The following SLC25A48 variants were observed in gnomAD, a reference collection of about 807,000 sequenced individuals.
SLC25A48 encodes solute carrier family 25 member 48, also known as CTC-321K16.1.
A neutral mutation model predicts 32.2 loss-of-function variants in SLC25A48; 29 were observed. The observed-to-expected ratio is 0.90, with a 90% CI of 0.67 to 1.23. The LOEUF is 1.23. Ranked by LOEUF, SLC25A48 falls within the 50% of genes most tolerant of loss-of-function variation. The pLI, the probability that SLC25A48 is intolerant of heterozygous loss-of-function variation, is 0.00. For synonymous variants in SLC25A48, 164 were observed against 172.3 expected, an observed-to-expected ratio of 0.95 and a Z score of 0.38; for missense variants, 399 against 422.7, an observed-to-expected ratio of 0.94 and a Z score of 0.49.
At chr5:135,775,875 G>A (rs4334881) in intron 3 of SLC25A48, among the ~76,000 whole-genome samples, 45,822 of 151,134 alleles carry the variant, frequency 0.3, 7,103 homozygotes, top group East Asian at 0.46. Context: ...TCTATTAACC[G>A]GGGAGGGGGG....
chr5:135,735,320 T>G (rs1036308316), intron 3 of SLC25A48, among the ~76,000 whole-genome samples: 3 of 152,192 alleles, frequency 2.0e-5, no homozygotes, highest in African/African-American at 7.2e-5. Flanking sequence ...TTGTGGGGTT[T>G]GAGGGCCGGA....
intron 3 of SLC25A48, among the ~76,000 whole-genome samples, chr5:135,673,921 T>C (rs1753712941): frequency 6.6e-6 from 1 of 151,828 alleles, no homozygotes; most frequent in Admixed American, 6.6e-5. Flanking sequence ...TCAAGGCTTT[T>C]TTTTCCCCCC....
At chr5:135,676,274 G>T (rs1026664642) in intron 3 of SLC25A48, among the ~76,000 whole-genome samples, 1 of 151,770 alleles carries the variant, frequency 6.6e-6, no homozygotes, top group East Asian at 1.9e-4. Context: ...TCAGTGTATA[G>T]TTGCTTTAAT....
rs1758350155 is a variant in SLC25A48, at chr5:135,834,725, G to C, written c.-123G>C. ...GACTGGGGGACTGGGTTTGGAGTAG[G>C]ACCTGCGGCGTGCTCGAGACTCCGA... is the stretch of plus-strand genomic sequence containing the variant. On this transcript the variant is annotated 5_prime_UTR_variant, in exon 1 of 8. Coordinates refer to ENST00000681962, the MANE Select transcript of SLC25A48 (RefSeq NM_001349336.2). The C allele has an allele frequency of 2.8e-6, 3 of 1,072,344 alleles. No homozygotes were observed. Among genetic ancestry groups the C allele is most frequent in the African/African-American group, 1.6e-5 (1 of 62,722 alleles). The allele number at this position is 1,072,344 out of a possible 1,614,324, so 66.4% of individuals were successfully genotyped here. A position where few individuals can be genotyped will look rare whatever the true frequency, so the allele number is the denominator to read the frequency against.
chr5:135,703,743 C>T (rs569214866), intron 3 of SLC25A48, among the ~76,000 whole-genome samples: 12 of 152,310 alleles, frequency 7.9e-5, no homozygotes, highest in East Asian at 1.9e-4. Flanking sequence ...CCTGCCAGAC[C>T]GTGGGCTCTG....
chr5:135,687,798 T>TTG (rs1754049484), intron 3 of SLC25A48, among the ~76,000 whole-genome samples: 1 of 152,256 alleles, frequency 6.6e-6, no homozygotes. Context: ...TGCATGGCTT[T>TTG]ACTTTTGTCT....
rs1753181763 is a variant in SLC25A48, at chr5:135,654,005, CCT to C, written c.-521+19050_-521+19051del. 4 of 429,906 alleles carry C rather than the reference CCT, an allele frequency of 9.3e-6. No individual in the cohort carries two copies. The Admixed American group carries it at 1.0e-4, about 11-fold the overall frequency. 26.6% of individuals were successfully genotyped at this position (429,906 alleles called of 1,614,324 possible). ...AACCTGGGACCTGCCATATAGAGCC[CCT>C]GTTTCTTAGTGGCAGTGGCAGCCAG... On this transcript the variant is annotated intron_variant, in intron 3 of 10. Transcript: ENST00000646290.
At chr5:135,692,141 C>A (rs1485792341) in intron 3 of SLC25A48, among the ~76,000 whole-genome samples, 1 of 152,044 alleles carries the variant, frequency 6.6e-6, no homozygotes, top group Non-Finnish European at 1.5e-5. Flanking sequence ...CACGGTGAAA[C>A]CCCATCTCTA....
chr5:135,882,905 T>A (rs2126843246), intron 7 of SLC25A48, among the ~76,000 whole-genome samples: 1 of 152,346 alleles, frequency 6.6e-6, no homozygotes, highest in East Asian at 1.9e-4. Context: ...GCTGAACATT[T>A]TCAAATAGCC....
At chr5:135,719,020 A>G (rs985765803) in intron 3 of SLC25A48, among the ~76,000 whole-genome samples, 1 of 152,098 alleles carries the variant, frequency 6.6e-6, no homozygotes, top group African/African-American at 2.4e-5. Flanking sequence ...CATGAACAAG[A>G]TTATCCTGGT....
At position 135,847,465 on chromosome 5, in the gene SLC25A48, G is replaced by A. The variant is rs544998880; in HGVS notation, c.91-2960G>A. Among the ~76,000 whole-genome samples, 24 of 152,328 alleles carry A rather than the reference G, an allele frequency of 1.6e-4. No homozygotes were observed. In the East Asian group the frequency reaches 4.6e-3, roughly 29 times the overall value. On this transcript the variant is annotated intron_variant, in intron 2 of 7. Transcript: ENST00000681962. ...AATAATGGTCCCCAGATGTGCCTGTGTCCTCATCTGTGGAACCTGTGAATG... is the reference window on the plus strand; with the variant it reads ...AATAATGGTCCCCAGATGTGCCTGTATCCTCATCTGTGGAACCTGTGAATG...
chr5:135,611,271 A>G (rs1466155732), intron 1 of SLC25A48, among the ~76,000 whole-genome samples: 2 of 152,086 alleles, frequency 1.3e-5, no homozygotes, highest in African/African-American at 4.8e-5. Flanking sequence ...GCACTTCGGG[A>G]GACTGAGGTG....
chr5:135,721,949 G>A (rs1330865860), intron 3 of SLC25A48, among the ~76,000 whole-genome samples: 3 of 152,254 alleles, frequency 2.0e-5, no homozygotes, highest in African/African-American at 7.2e-5. Context: ...ATGATCCTCA[G>A]AGAGGCCACT....
At chr5:135,584,882 G>A (rs758369119) in intron 1 of SLC25A48, among the ~76,000 whole-genome samples, 26 of 152,304 alleles carry the variant, frequency 1.7e-4, no homozygotes, top group Non-Finnish European at 2.8e-4. Flanking sequence ...AGTTACAAAC[G>A]TCATTCTCTT....
chr5:135,764,003 C>T (rs1435472406), intron 3 of SLC25A48, among the ~76,000 whole-genome samples: 3 of 152,160 alleles, frequency 2.0e-5, no homozygotes, highest in Middle Eastern at 3.4e-3. Flanking sequence ...CTCCCGAGTG[C>T]GGGGGACAGG....
intron 3 of SLC25A48, among the ~76,000 whole-genome samples, chr5:135,786,204 A>G (rs996082056): frequency 1.3e-5 from 2 of 152,024 alleles, no homozygotes; most frequent in Non-Finnish European, 2.9e-5. Flanking sequence ...GCAGGGGTGT[A>G]AAACCCTCCT....
chr5:135,659,746 A>G (rs112581778), intron 3 of SLC25A48, among the ~76,000 whole-genome samples: 148 of 152,344 alleles, frequency 9.7e-4, no homozygotes, highest in Non-Finnish European at 1.8e-3. Flanking sequence ...GAAACTTACA[A>G]TCATGGTGGA....
At chr5:135,849,394 C>T (rs779371328) in intron 2 of SLC25A48, among the ~76,000 whole-genome samples, 47 of 152,252 alleles carry the variant, frequency 3.1e-4, no homozygotes, top group Admixed American at 5.2e-4. Context: ...ATAGGCTGCA[C>T]GTCTTAAAAG....
chr5:135,856,476 C>T (rs770482036), intron 4 of SLC25A48, among the ~76,000 whole-genome samples: 10 of 152,312 alleles, frequency 6.6e-5, no homozygotes, highest in African/African-American at 1.4e-4. Flanking sequence ...GCCCCAGCCC[C>T]GGAGCTGCCC....
Sources: gnomAD v4.1 joint callset for allele counts (sites outside exome capture counted in the v4.1 genomes callset) on GRCh38, gnomAD v4.1.1 for gene constraint, MANE v1.5 for transcripts, NCBI Gene and HGNC (gene_info 2026-07-23, HGNC 2026-07-21) for gene names.